CDC42BPG: variants seen among roughly 807,000 people sequenced by gnomAD.
The protein encoded by CDC42BPG is CDC42 binding protein kinase gamma, also known as serine/threonine-protein kinase MRCK gamma.
CDC42BPG carries 157 observed loss-of-function variants against 192.2 expected under a neutral mutation model. The ratio of observed to expected loss-of-function variants is 0.82; its 90% confidence interval spans 0.72 to 0.93. CDC42BPG has a LOEUF of 0.93. Ranked by LOEUF, CDC42BPG falls within the 40% of genes least tolerant of loss-of-function variation. CDC42BPG has a pLI of 0.00. For missense variants in CDC42BPG, 1,992 were observed against 2,122.1 expected (o/e 0.94, Z 1.20); for synonymous variants, 981 against 918.5 (o/e 1.07, Z -1.23).
intron 30 of CDC42BPG, among the ~76,000 whole-genome samples, chr11:64,828,218 C>G (rs1942524204): frequency 6.6e-6 from 1 of 152,214 alleles, no homozygotes; most frequent in African/African-American, 2.4e-5. Flanking sequence ...CTCTGCCCCT[C>G]TCTTCCAGCC....
chr11:64,833,142 A>T, intron 24 of CDC42BPG, 89 bp downstream of exon 24: 1 of 1,264,594 alleles, frequency 7.9e-7, no homozygotes, highest in Non-Finnish European at 1.1e-6. Flanking sequence ...AGCAGGTGCC[A>T]GTGACCCTGG....
intron 36 of CDC42BPG, among the ~76,000 whole-genome samples, chr11:64,824,748 T>G (rs958733980): frequency 6.6e-6 from 1 of 151,968 alleles, no homozygotes; most frequent in East Asian, 1.9e-4. Context: ...AGTCCTTTTT[T>G]TTTTCTTTTT....
At chr11:64,840,372 C>G (rs1943226955) in intron 4 of CDC42BPG, 104 bp from the exon 5 acceptor site, 27 of 1,499,104 alleles carry the variant, frequency 1.8e-5, no homozygotes, top group Non-Finnish European at 2.4e-5. Context: ...CTCCCAGCAG[C>G]TCTGGGCTGG....
At chr11:64,836,846 G>A in intron 10 of CDC42BPG, 27 bp from the exon 11 acceptor site, 1 of 1,609,530 alleles carries the variant, frequency 6.2e-7, no homozygotes, top group Non-Finnish European at 8.5e-7. Flanking sequence ...ACCCACAGGT[G>A]AGTCCACTCC....
chr11:64,831,853 GCAAA>G (rs1373941884), intron 27 of CDC42BPG, 132 bp from the exon 28 acceptor site: 12 of 759,780 alleles, frequency 1.6e-5, no homozygotes, highest in Non-Finnish European at 2.5e-5. Context: ...GGCCAGACAG[GCAAA>G]CAGACAACTC....
At position 64,831,531 on chromosome 11, in the gene CDC42BPG, G is replaced by A. The variant is rs1253882823; in HGVS notation, c.3278C>T (p.Pro1093Leu). ...GAGGATGGCAGCGCAGAGCGTGTGAGGCAGCAGCGGCAGCCCGTTGTCGTA... is the reference window on the plus strand; with the variant it reads ...GAGGATGGCAGCGCAGAGCGTGTGAAGCAGCAGCGGCAGCCCGTTGTCGTA... ...EAYDNGLPLL[P>L]HTLCAAILDQ... Residue 1093 changes from proline to leucine, a missense_variant, in exon 28 of 37, where the codon CCT becomes CTT. Coordinates refer to ENST00000342711, the MANE Select transcript of CDC42BPG (RefSeq NM_017525.3). 1.2e-6 allele frequency: 2 copies of A among 1,611,266 alleles called. No individual in the cohort carries two copies. Among genetic ancestry groups the A allele is most frequent in the African/African-American group, 1.3e-5 (1 of 75,044 alleles).
chr11:64,837,167 AG>A, intron 9 of CDC42BPG, 148 bp from the exon 10 acceptor site: 1 of 678,526 alleles, frequency 1.5e-6, no homozygotes, highest in Non-Finnish European at 2.6e-6. Flanking sequence ...CACGGGTGGC[AG>A]CCCGGGGTAG....
rs1285448930 is a variant in CDC42BPG at position 64,824,287 on chromosome 11, G to A, written c.*186C>T. On this transcript the variant is annotated 3_prime_UTR_variant, in exon 37 of 37. Coordinates refer to ENST00000342711, the MANE Select transcript of CDC42BPG (RefSeq NM_017525.3). Reference sequence around the variant, plus strand: ...TGGGAACAGAGGGGTAAGGCAGGATGAGGGCTGGGAGTCAGGACCCCCAAG... The same window carrying A: ...TGGGAACAGAGGGGTAAGGCAGGATAAGGGCTGGGAGTCAGGACCCCCAAG... 5 of 672,384 alleles carry A rather than the reference G, an allele frequency of 7.4e-6. No individual in the cohort carries two copies. Among genetic ancestry groups the A allele is most frequent in the Non-Finnish European group, 1.1e-5 (4 of 364,552 alleles). 41.7% of individuals were successfully genotyped at this position (672,384 alleles called of 1,614,324 possible).
chr11:64,832,383 T>C (rs1213100175), intron 27 of CDC42BPG, 45 bp downstream of exon 27: 7 of 1,580,138 alleles, frequency 4.4e-6, no homozygotes, highest in Non-Finnish European at 6.1e-6. Context: ...TGGGACAGCA[T>C]GGGGAGGTGG....
intron 27 of CDC42BPG, 92 bp downstream of exon 27, chr11:64,832,336 A>C: frequency 1.5e-6 from 2 of 1,324,592 alleles, no homozygotes; most frequent in Non-Finnish European, 2.1e-6. Context: ...GGCTGGCCCA[A>C]GAGGGCAGTA....
chr11:64,828,779 C>T (rs891558301), intron 30 of CDC42BPG, among the ~76,000 whole-genome samples: 1 of 152,168 alleles, frequency 6.6e-6, no homozygotes, highest in East Asian at 1.9e-4. Context: ...AGGCTGGACG[C>T]GTTGGCTAAC....
chr11:64,829,936 C>T lies in CDC42BPG; in HGVS notation c.3502G>A (p.Val1168Ile), dbSNP rs748692442. 3.7e-6 allele frequency: 6 copies of T among 1,611,934 alleles called. No homozygotes were observed. Among genetic ancestry groups the T allele is most frequent in the Non-Finnish European group, 5.1e-6 (6 of 1,179,554 alleles). The change falls in exon 30 of 37, where the codon GTA becomes ATA. Residue 1168 changes from valine to isoleucine, a missense_variant. Physicochemically the swap from Val to Ile is conservative, Grantham distance 29. Around this residue, in one of 2 missense-constraint regions of CDC42BPG, gnomAD observed 1,656 missense variants for 1,844.3 expected, o/e 0.90. Coordinates refer to ENST00000342711, the MANE Select transcript of CDC42BPG (RefSeq NM_017525.3). ...GACTCGGGGATCTTGGCACCTGCTA[C>T]CTCTATGTTCTCCAGCTCCGCCAGG... ...FALAELENIE[V>I]AGAKIPESRG...
chr11:64,835,651 G>A, intron 14 of CDC42BPG, 30 bp from the exon 15 acceptor site: 1 of 1,577,844 alleles, frequency 6.3e-7, no homozygotes, highest in Non-Finnish European at 8.6e-7. Context: ...TCAGGGCAGA[G>A]ACCCAAGATG....
intron 9 of CDC42BPG, among the ~76,000 whole-genome samples, chr11:64,837,511 A>C (rs1351869250): frequency 1.3e-5 from 2 of 152,324 alleles, no homozygotes; most frequent in South Asian, 2.1e-4. Flanking sequence ...CCCAGGCTGG[A>C]GTGCAGTGGC....
In CDC42BPG at chr11:64,829,515, G is replaced by C; in HGVS notation, c.3923C>G (p.Ser1308Cys). 1.9e-6 allele frequency: 3 copies of C among 1,612,966 alleles called. No homozygotes were observed. Among genetic ancestry groups the C allele is most frequent in the Non-Finnish European group, 2.5e-6 (3 of 1,179,944 alleles). Residue 1308 changes from serine to cysteine, a missense_variant, in exon 30 of 37, where the codon TCT becomes TGT. Coordinates refer to ENST00000342711, the MANE Select transcript of CDC42BPG (RefSeq NM_017525.3). ...GIYVDGAGRK[S>C]RGHELLWPAA... ...TGGCCACAACAGCTCGTGGCCACGA[G>C]ACTTGCGGCCTGCGCCATCCACGTA...
In CDC42BPG at chr11:64,836,756, A is replaced by G. The variant is rs746016759; in HGVS notation, c.1367T>C (p.Leu456Pro). The change falls in exon 11 of 37, where the codon CTG (leucine) becomes CCG (proline). Residue 456 changes from leucine to proline, a missense_variant. Around this residue, in one of 2 missense-constraint regions of CDC42BPG, gnomAD observed 1,656 missense variants for 1,844.3 expected, o/e 0.90. Transcript: ENST00000342711. ...LEQLRKEVQT[L>P]RDRLPEMLRD... Reference sequence around the variant, plus strand: ...AGGGATACCTGGCAGCCTGTCCCGCAGAGTCTGCACTTCCTTCCGTAGCTG... The same window carrying G: ...AGGGATACCTGGCAGCCTGTCCCGCGGAGTCTGCACTTCCTTCCGTAGCTG... 2.8e-6 allele frequency: 4 copies of G among 1,427,164 alleles called. No homozygotes were observed. The highest frequency in any genetic ancestry group is 1.2e-5 in the South Asian group (1 of 80,920). 88.4% of individuals were successfully genotyped at this position (1,427,164 alleles called of 1,614,324 possible).
chr11:64,832,298 CT>C (rs1942731250), intron 27 of CDC42BPG, 129 bp downstream of exon 27: 3 of 954,232 alleles, frequency 3.1e-6, no homozygotes, highest in African/African-American at 3.3e-5. Context: ...GGGCCAGGTG[CT>C]CACGTGGAAA....
At position 64,836,991 on chromosome 11, in the gene CDC42BPG, A is replaced by G. The variant is rs1008806782; in HGVS notation, c.1234T>C (p.Trp412Arg). 27 of 1,613,518 alleles carry G rather than the reference A, an allele frequency of 1.7e-5. No homozygotes were observed. Among genetic ancestry groups the G allele is most frequent in the Non-Finnish European group, 2.3e-5 (27 of 1,179,944 alleles). ...SHSPESSSEA[W>R]AALERKLQCL... The stretch of plus-strand genomic sequence containing the variant: ...TGGAGCTTCCGCTCCAGGGCAGCCC[A>G]AGCCTCAGAGCTGCTCTCAGGACTG... The change falls in exon 10 of 37, where the codon TGG becomes CGG. Residue 412 changes from tryptophan (W) to arginine (R), a missense_variant. By Grantham distance (101) the Trp-to-Arg change is moderately radical (BLOSUM62 -3). This residue lies in a region of CDC42BPG where 1,656 missense variants were observed against 1,844.3 expected (regional missense o/e 0.90). Coordinates refer to ENST00000342711, the MANE Select transcript of CDC42BPG (RefSeq NM_017525.3).
chr11:64,834,007 G>C, intron 20 of CDC42BPG, 30 bp from the exon 21 acceptor site: 2 of 1,614,092 alleles, frequency 1.2e-6, no homozygotes, highest in Non-Finnish European at 1.7e-6. Flanking sequence ...CACTGGCCTG[G>C]GGTCCCTGGC....
Sources: gnomAD v4.1 joint callset for allele counts (sites outside exome capture counted in the v4.1 genomes callset) on GRCh38, gnomAD v4.1.1 for gene constraint, gnomAD v4.1.1 regional missense constraint, MANE v1.5 for transcripts, NCBI Gene and HGNC (gene_info 2026-07-23, HGNC 2026-07-21) for gene names.